The following KCNJ16 variants were observed in gnomAD, a reference collection of about 807,000 sequenced individuals.
KCNJ16 encodes potassium inwardly rectifying channel subfamily J member 16.
A neutral mutation model predicts 18.5 loss-of-function variants in KCNJ16; 15 were observed. That is an observed-to-expected ratio of 0.81 (90% CI 0.54 to 1.25). The LOEUF is 1.25. Among genes scored for constraint, KCNJ16 ranks in the 50% most tolerant of loss-of-function variants. KCNJ16 has a pLI of 0.00. For missense variants in KCNJ16, 523 were observed against 525.7 expected (o/e 0.99, Z 0.05); for synonymous variants, 174 against 186.5 (o/e 0.93, Z 0.55).
intron 2 of KCNJ16, among the ~76,000 whole-genome samples, chr17:70,123,889 T>G (rs995107931): frequency 1.3e-5 from 2 of 152,168 alleles, no homozygotes; most frequent in African/African-American, 2.4e-5. Flanking sequence ...ATAAATGAGT[T>G]GAAAGGCTGT....
At chr17:70,122,163 T>C (rs970517886) in intron 2 of KCNJ16, among the ~76,000 whole-genome samples, 9 of 149,276 alleles carry the variant, frequency 6.0e-5, no homozygotes, top group African/African-American at 2.3e-4. Flanking sequence ...ACCATATGCT[T>C]GCATATCGGA....
chr17:70,095,435 C>T (rs1474396353), intron 1 of KCNJ16, among the ~76,000 whole-genome samples: 2 of 152,158 alleles, frequency 1.3e-5, no homozygotes, highest in Non-Finnish European at 2.9e-5. Flanking sequence ...AAAATGTGCT[C>T]CTCAAACCAT....
At position 70,075,868 on chromosome 17, in the gene KCNJ16, T is replaced by C. The variant is rs895354089; in HGVS notation, c.-300+478T>C. On this transcript the variant is annotated intron_variant, in intron 1 of 3. Coordinates refer to ENST00000392671, the MANE Select transcript of KCNJ16 (RefSeq NM_170741.4). ...TTTTTTTTATAGTTGTCTATAATCA[T>C]TGAAAGGAAATAAGAGATCTATTTT... Among the ~76,000 whole-genome samples, 16 of 152,252 alleles carry C rather than the reference T, an allele frequency of 1.1e-4. No individual in the cohort carries two copies. The South Asian group carries it at 2.9e-3, about 28-fold the overall frequency.
chr17:70,128,850 ACGGG>A (rs2073955015), intron 2 of KCNJ16: 1 of 152,276 alleles, frequency 6.6e-6, no homozygotes, highest in Admixed American at 6.5e-5. Context: ...CTGGGTACAG[ACGGG>A]CTGAGGTCTA....
At chr17:70,112,186 C>T (rs2073214789) in intron 2 of KCNJ16, among the ~76,000 whole-genome samples, 1 of 152,048 alleles carries the variant, frequency 6.6e-6, no homozygotes, top group Non-Finnish European at 1.5e-5. Context: ...ATGGGCAGGG[C>T]CTTGCACTCC....
Position 70,134,199 on chromosome 17 carries a change from T to G in KCNJ16, c.*855T>G, listed in dbSNP as rs1210579939. ...CATACAGATGAGGTGAGGGGATGGT[T>G]AGCAGCGATAAACATTCTCAGACCC... On this transcript the variant is annotated 3_prime_UTR_variant, in exon 4 of 4. Coordinates refer to ENST00000392671, the MANE Select transcript of KCNJ16 (RefSeq NM_170741.4). 6.0e-6 allele frequency: 1 copy of G among 166,462 alleles called. No individual in the cohort carries two copies. Among genetic ancestry groups the G allele is most frequent in the Non-Finnish European group, 1.5e-5 (1 of 68,086 alleles). The allele number at this position is 166,462 out of a possible 1,614,324, so 10.3% of individuals were successfully genotyped here.
chr17:70,080,275 C>G (rs904049579), intron 1 of KCNJ16, among the ~76,000 whole-genome samples: 5 of 152,158 alleles, frequency 3.3e-5, no homozygotes, highest in Non-Finnish European at 7.4e-5. Context: ...ATACCAAGAT[C>G]TCTGAGAAAC....
At chr17:70,112,573 CA>C (rs1485437610) in intron 2 of KCNJ16, among the ~76,000 whole-genome samples, 10 of 151,902 alleles carry the variant, frequency 6.6e-5, no homozygotes, top group Non-Finnish European at 1.0e-4. Context: ...GCAGTACTCC[CA>C]AACCCATCAG....
rs142506583 is a variant in KCNJ16 at position 70,094,760 on chromosome 17, A to G, written c.-299-5898A>G. ...AGGACGCTACATAGAATTACACTTG[A>G]AAGTAAATTGCACTGTAGGCAAATC... On this transcript the variant is annotated intron_variant, in intron 1 of 3. Coordinates refer to ENST00000392671, the MANE Select transcript of KCNJ16 (RefSeq NM_170741.4). 1.1e-3 allele frequency among the ~76,000 whole-genome samples: 164 copies of G among 152,314 alleles called. 1 individual carries two copies. The highest frequency in any genetic ancestry group is 3.8e-3 in the African/African-American group (160 of 41,576).
intron 2 of KCNJ16, among the ~76,000 whole-genome samples, chr17:70,126,147 C>T (rs1372493112): frequency 1.3e-5 from 2 of 152,142 alleles, no homozygotes; most frequent in Non-Finnish European, 2.9e-5. Flanking sequence ...TGTGTAACTA[C>T]AGTCTTCTGC....
At chr17:70,100,815 T>C (rs1397209296) in intron 2 of KCNJ16, 49 bp downstream of exon 2, 1 of 152,186 alleles carries the variant, frequency 6.6e-6, no homozygotes, top group African/African-American at 2.4e-5. Flanking sequence ...AACCAATACT[T>C]GCACTCCTTC....
Position 70,127,517 on chromosome 17 carries a change from T to C in KCNJ16, c.-190-3362T>C, listed in dbSNP as rs1213859535. ...TTTGGCCTGGCATTGTCCTAACTCT[T>C]AATACCTCTCTCTCTCTGCTCCTCA... On this transcript the variant is annotated intron_variant, in intron 2 of 3. Transcript: ENST00000392671. Among the ~76,000 whole-genome samples the C allele has an allele frequency of 2.6e-5, 4 of 152,120 alleles. No homozygotes were observed. In the East Asian group the frequency reaches 7.7e-4, roughly 29 times the overall value.
chr17:70,084,049 T>C (rs1162644124), intron 1 of KCNJ16, among the ~76,000 whole-genome samples: 1 of 152,168 alleles, frequency 6.6e-6, no homozygotes, highest in Non-Finnish European at 1.5e-5. Flanking sequence ...GCAGGATGTG[T>C]AGGCACAGTG....
intron 2 of KCNJ16, among the ~76,000 whole-genome samples, chr17:70,129,381 A>T (rs2073978469): frequency 6.6e-6 from 1 of 152,182 alleles, no homozygotes; most frequent in Non-Finnish European, 1.5e-5. Context: ...GCTCAAATTA[A>T]CACGAAATAC....
rs369512478 is a variant in KCNJ16 at position 70,132,868 on chromosome 17, A to T, written c.781A>T (p.Ser261Cys). 54 of 1,614,030 alleles carry T rather than the reference A, an allele frequency of 3.3e-5. No homozygotes were observed. The highest frequency in any genetic ancestry group is 4.3e-5 in the Non-Finnish European group (51 of 1,180,048). ...TATTGTCCATGAAATTGACCATGAG[A>T]GCCCTCTGTATGCCCTTGACCGCAA... ...VTIVHEIDHE[S>C]PLYALDRKAV... Residue 261 changes from serine (S) to cysteine (C), a missense_variant, in exon 4 of 4, where the codon AGC becomes TGC. Transcript: ENST00000392671.
intron 3 of KCNJ16, chr17:70,131,253 AAGAC>A (rs1379995341): frequency 4.5e-6 from 4 of 886,998 alleles, no homozygotes; most frequent in Non-Finnish European, 6.1e-6. Flanking sequence ...TTATGAGACA[AAGAC>A]AGAGGCAATT....
chr17:70,119,907 C>T (rs1220776908), intron 2 of KCNJ16, among the ~76,000 whole-genome samples: 1 of 152,192 alleles, frequency 6.6e-6, no homozygotes, highest in African/African-American at 2.4e-5. Flanking sequence ...CCCCAAAAAG[C>T]CTTTCCTTTT....
intron 2 of KCNJ16, among the ~76,000 whole-genome samples, chr17:70,111,012 A>G (rs1357668774): frequency 1.3e-5 from 2 of 152,156 alleles, no homozygotes; most frequent in African/African-American, 2.4e-5. Context: ...CTCAGGAAAA[A>G]TTAAAAATCA....
At chr17:70,099,825 AATG>A (rs2072544330) in intron 1 of KCNJ16, among the ~76,000 whole-genome samples, 1 of 152,216 alleles carries the variant, frequency 6.6e-6, no homozygotes, top group Admixed American at 6.5e-5. Flanking sequence ...TAAGTTTTAA[AATG>A]ATATGATGAT....
Sources: allele counts gnomAD v4.1 joint callset (sites outside exome capture counted in the v4.1 genomes callset), GRCh38; gene constraint gnomAD v4.1.1; transcripts MANE v1.5; gene names NCBI Gene and HGNC (gene_info 2026-07-23, HGNC 2026-07-21).